The following AZIN1 variants were observed in gnomAD, a reference collection of about 807,000 sequenced individuals.
The protein encoded by AZIN1 is ornithine decarboxylase antizyme inhibitor.
Under a neutral mutation model 47.4 loss-of-function variants are expected in AZIN1, and 12 were observed. The observed-to-expected ratio is 0.25, with a 90% confidence interval of 0.16 to 0.41. The LOEUF (loss-of-function observed/expected upper bound fraction) is 0.41. Among genes scored for constraint, AZIN1 ranks in the 10% least tolerant of loss-of-function variants. The probability of loss-of-function intolerance (pLI) is 1.00; values close to 1 mark genes in which losing one functional copy is unlikely to be tolerated. For synonymous variants in AZIN1, 155 were observed against 176.3 expected, an observed-to-expected ratio of 0.88 and a Z score of 0.96; for missense variants, 410 against 532.4, an observed-to-expected ratio of 0.77 and a Z score of 2.26.
chr8:102,834,214 G>C lies in AZIN1; in HGVS notation c.716C>G (p.Thr239Arg). Residue 239 changes from threonine (T) to arginine (R), a missense_variant, in exon 8 of 12, where the codon ACG becomes AGG. By Grantham distance (71) the Thr-to-Arg change is moderately conservative. This residue lies in a region of AZIN1 where 237 missense variants were observed against 309.4 expected (regional missense o/e 0.77). Transcript: ENST00000337198. ...CTCTTCCAATTGAAATTCAGTTCCC[G>C]TGAATCCTCCACCAATGTCTAACAT... ...MNMLDIGGGF[T>R]GTEFQLEEVN... is the part of the protein sequence containing the mutation. The C allele has an allele frequency of 6.2e-7, 1 of 1,612,494 alleles. No individual in the cohort carries two copies. Among genetic ancestry groups the C allele is most frequent in the Non-Finnish European group, 8.5e-7 (1 of 1,179,608 alleles).
At chr8:102,848,290 T>A (rs1236093222) in intron 2 of AZIN1, among the ~76,000 whole-genome samples, 1 of 116,010 alleles carries the variant, frequency 8.6e-6, no homozygotes, top group Non-Finnish European at 1.6e-5. Context: ...AATGCAAAGC[T>A]CAACTATCAG....
intron 5 of AZIN1, among the ~76,000 whole-genome samples, chr8:102,837,182 A>G (rs1811877484): frequency 6.6e-6 from 1 of 152,232 alleles, no homozygotes; most frequent in African/African-American, 2.4e-5. Flanking sequence ...GGCCTCCCCA[A>G]GTGCTGGGAT....
chr8:102,847,989 A>C (rs1447882268), intron 2 of AZIN1, among the ~76,000 whole-genome samples: 2 of 152,186 alleles, frequency 1.3e-5, no homozygotes, highest in Admixed American at 6.5e-5. Context: ...ATAAGGACAG[A>C]TCAAATATAT....
chr8:102,849,925 A>G (rs1380801629), intron 2 of AZIN1: 1 of 152,228 alleles, frequency 6.6e-6, no homozygotes, highest in African/African-American at 2.4e-5. Context: ...GAGGCCGCTG[A>G]GTCCTCATGT....
chr8:102,845,878 T>C (rs558559914), intron 2 of AZIN1, among the ~76,000 whole-genome samples: 8 of 152,338 alleles, frequency 5.3e-5, no homozygotes, highest in Admixed American at 2.0e-4. Context: ...AAACTGTGTC[T>C]TTTAAGTAAG....
rs1178758546 is a variant in AZIN1, at chr8:102,829,332, G to A, written c.1175C>T (p.Pro392Leu). ...DNMGADSFHEPSAFNDFQRPA... is the reference protein window; with the variant it reads ...DNMGADSFHELSAFNDFQRPA... ...CCTCTGAAAATCATTAAAAGCAGATGGTTCATGGAAAGAATCTGCTCCCAT... is the reference window on the plus strand; with the variant it reads ...CCTCTGAAAATCATTAAAAGCAGATAGTTCATGGAAAGAATCTGCTCCCAT... Residue 392 changes from proline to leucine, a missense_variant, in exon 11 of 12, where the codon CCA becomes CTA. Coordinates refer to ENST00000337198, the MANE Select transcript of AZIN1 (RefSeq NM_148174.4). 1 of 1,613,862 alleles carries A rather than the reference G, an allele frequency of 6.2e-7. No individual in the cohort carries two copies. Among genetic ancestry groups the A allele is most frequent in the Admixed American group, 1.7e-5 (1 of 60,004 alleles).
At chr8:102,841,523 G>A (rs998472471) in intron 3 of AZIN1, among the ~76,000 whole-genome samples, 14 of 152,152 alleles carry the variant, frequency 9.2e-5, no homozygotes, top group Non-Finnish European at 1.6e-4. Context: ...GGCAACTGAA[G>A]AATGGCTTGG....
intron 2 of AZIN1, among the ~76,000 whole-genome samples, chr8:102,853,410 G>A (rs1410408059): frequency 6.6e-6 from 1 of 152,216 alleles, no homozygotes; most frequent in Non-Finnish European, 1.5e-5. Flanking sequence ...GCTGAGGCAG[G>A]AGAATTGATG....
chr8:102,831,645 A>C (rs1811470905), intron 9 of AZIN1, among the ~76,000 whole-genome samples: 2 of 148,868 alleles, frequency 1.3e-5, no homozygotes, highest in South Asian at 4.3e-4. Flanking sequence ...CAGTCTCAAA[A>C]AAAAAAAAAA....
chr8:102,831,475 TA>T (rs60399766), intron 9 of AZIN1, among the ~76,000 whole-genome samples: 9,830 of 134,634 alleles, frequency 0.073, 794 homozygotes, highest in African/African-American at 0.21. Context: ...GCATTTAAAT[TA>T]AAAAAAAAAA....
chr8:102,839,933 A>C, intron 3 of AZIN1, 110 bp from the exon 4 acceptor site: 1 of 644,810 alleles, frequency 1.6e-6, no homozygotes, highest in Non-Finnish European at 2.5e-6. Flanking sequence ...GGGTCAAGAC[A>C]TATATTTACA....
In AZIN1 at chr8:102,827,411, G is replaced by C. The variant is rs923125893; in HGVS notation, c.*1156C>G. 1 of 152,068 alleles carries C rather than the reference G, an allele frequency of 6.6e-6. No individual in the cohort carries two copies. The highest frequency in any genetic ancestry group is 2.4e-5 in the African/African-American group (1 of 41,434). 9.4% of individuals were successfully genotyped at this position (152,068 alleles called of 1,614,324 possible). On this transcript the variant is annotated 3_prime_UTR_variant, in exon 12 of 12. Coordinates refer to ENST00000337198, the MANE Select transcript of AZIN1 (RefSeq NM_148174.4). Reference sequence around the variant, plus strand: ...ATTGGAAATAACAAGAAACTAAGGGGACAGTTCAAACCAACAACAAAAAAT... The same window carrying C: ...ATTGGAAATAACAAGAAACTAAGGGCACAGTTCAAACCAACAACAAAAAAT...
chr8:102,860,984 A>T (rs1446478840), intron 1 of AZIN1, among the ~76,000 whole-genome samples: 2 of 151,912 alleles, frequency 1.3e-5, no homozygotes, highest in African/African-American at 2.4e-5. Context: ...GGAAGACATG[A>T]CAACTAAATA....
intron 10 of AZIN1, among the ~76,000 whole-genome samples, 162 bp downstream of exon 10, chr8:102,829,659 G>A (rs1366303485): frequency 6.6e-6 from 1 of 152,106 alleles, no homozygotes; most frequent in Non-Finnish European, 1.5e-5. Context: ...CCACGTAAAG[G>A]CAACAAACTA....
chr8:102,832,962 GA>G, intron 9 of AZIN1, 93 bp downstream of exon 9: 1 of 1,186,496 alleles, frequency 8.4e-7, no homozygotes. Context: ...TTTAAAAGCT[GA>G]AAACCACCTA....
At chr8:102,838,322 A>G (rs931055210) in intron 5 of AZIN1, among the ~76,000 whole-genome samples, 3 of 152,236 alleles carry the variant, frequency 2.0e-5, no homozygotes, top group African/African-American at 7.2e-5. Context: ...CTGTCAGTAA[A>G]GATGACCATT....
rs187777894 is a variant in AZIN1, at chr8:102,834,818, C to A, written c.585-71G>T. ...AGACACCTCCTGTAATTTCTTTCAACTGTCACTCATCATATTCATACCATT... is the reference window on the plus strand; with the variant it reads ...AGACACCTCCTGTAATTTCTTTCAAATGTCACTCATCATATTCATACCATT... On this transcript the variant is annotated intron_variant, in intron 6 of 11. Coordinates refer to ENST00000337198, the MANE Select transcript of AZIN1 (RefSeq NM_148174.4). The A allele has an allele frequency of 5.5e-5, 55 of 997,184 alleles. No homozygotes were observed. The Admixed American group carries it at 5.6e-4, about 10-fold the overall frequency. 61.8% of individuals were successfully genotyped at this position (997,184 alleles called of 1,614,324 possible).
At chr8:102,862,043 C>A (rs1256428039) in intron 1 of AZIN1, among the ~76,000 whole-genome samples, 2 of 150,790 alleles carry the variant, frequency 1.3e-5, no homozygotes, top group Non-Finnish European at 3.0e-5. Context: ...AAAAAAAAAA[C>A]CAAGATCGTG....
chr8:102,831,985 C>G (rs1811492883), intron 9 of AZIN1, among the ~76,000 whole-genome samples: 1 of 152,128 alleles, frequency 6.6e-6, no homozygotes, highest in Non-Finnish European at 1.5e-5. Flanking sequence ...GAATTGGCCA[C>G]TATCATGTGC....
Sources: allele counts gnomAD v4.1 joint callset (sites outside exome capture counted in the v4.1 genomes callset), GRCh38; gene constraint gnomAD v4.1.1; regional missense constraint gnomAD v4.1.1; transcripts MANE v1.5; gene names NCBI Gene and HGNC (gene_info 2026-07-23, HGNC 2026-07-21).